Variants in ITFG1 observed in about 807,000 individuals in gnomAD.
The protein encoded by ITFG1 is T-cell immunomodulatory protein.
Under a neutral mutation model 81.8 loss-of-function variants are expected in ITFG1, and 34 were observed. That is an observed-to-expected ratio of 0.42 (90% CI 0.32 to 0.55). The LOEUF (loss-of-function observed/expected upper bound fraction) is 0.55, where lower values mean the gene tolerates loss of function less well. ITFG1 is among the 20% of genes least tolerant of loss of function. The pLI is 0.17. For synonymous variants in ITFG1, 285 were observed against 270.6 expected (o/e 1.05, Z -0.52); for missense variants, 672 against 755.4 (o/e 0.89, Z 1.29).
intron 14 of ITFG1, among the ~76,000 whole-genome samples, chr16:47,186,343 T>C (rs1247853658): frequency 1.3e-5 from 2 of 152,174 alleles, no homozygotes; most frequent in Admixed American, 6.5e-5. Context: ...TTGATGAACA[T>C]TGATGCAAAA....
chr16:47,411,451 T>C (rs1252749235), intron 6 of ITFG1, among the ~76,000 whole-genome samples: 2 of 151,980 alleles, frequency 1.3e-5, no homozygotes, highest in African/African-American at 4.8e-5. Context: ...CCAAAAACTG[T>C]CTTGCTGAGT....
At chr16:47,412,236 T>A (rs1040076155) in intron 6 of ITFG1, among the ~76,000 whole-genome samples, 1 of 151,988 alleles carries the variant, frequency 6.6e-6, no homozygotes, top group Non-Finnish European at 1.5e-5. Context: ...CTGCACTAGA[T>A]CCCCAGCAAC....
intron 6 of ITFG1, among the ~76,000 whole-genome samples, chr16:47,384,475 A>G (rs375352574): frequency 6.6e-6 from 1 of 152,188 alleles, no homozygotes; most frequent in African/African-American, 2.4e-5. Context: ...ATTTTCTGCT[A>G]GAATAACCCT....
intron 5 of ITFG1, among the ~76,000 whole-genome samples, chr16:47,432,386 A>G (rs772387928): frequency 1.3e-5 from 2 of 152,238 alleles, no homozygotes; most frequent in Admixed American, 6.5e-5. Flanking sequence ...GAAATCAGCA[A>G]GACACAATGG....
At chr16:47,360,460 C>T (rs1968095483) in intron 8 of ITFG1, among the ~76,000 whole-genome samples, 1 of 152,040 alleles carries the variant, frequency 6.6e-6, no homozygotes, top group East Asian at 1.9e-4. Flanking sequence ...AAGATACAAA[C>T]AAACAAGAGT....
chr16:47,352,048 AAAAATT>A (rs1353835272), intron 8 of ITFG1, among the ~76,000 whole-genome samples: 1 of 152,246 alleles, frequency 6.6e-6, no homozygotes, highest in Admixed American at 6.5e-5. Flanking sequence ...CACCTTATAC[AAAAATT>A]AATTCAAGAT....
chr16:47,328,665 CTA>C (rs1450542943), intron 8 of ITFG1, among the ~76,000 whole-genome samples: 1 of 151,990 alleles, frequency 6.6e-6, no homozygotes, highest in Non-Finnish European at 1.5e-5. Context: ...TACTTAAGGG[CTA>C]TTAATTCTTT....
At chr16:47,267,267 T>A (rs1966287881) in intron 10 of ITFG1, among the ~76,000 whole-genome samples, 1 of 151,806 alleles carries the variant, frequency 6.6e-6, no homozygotes, top group African/African-American at 2.4e-5. Flanking sequence ...AAAGCTGGAG[T>A]GACAATATTA....
chr16:47,442,859 A>C (rs548396192), intron 5 of ITFG1, among the ~76,000 whole-genome samples: 5 of 152,236 alleles, frequency 3.3e-5, no homozygotes, highest in South Asian at 2.1e-4. Context: ...TGCATATCTA[A>C]AACACCAAAA....
At chr16:47,281,550 CTT>C (rs1966451466) in intron 10 of ITFG1, among the ~76,000 whole-genome samples, 1 of 152,118 alleles carries the variant, frequency 6.6e-6, no homozygotes, top group Non-Finnish European at 1.5e-5. Flanking sequence ...GTTTTAATCT[CTT>C]TAATAGTTAT....
chr16:47,391,355 A>G (rs1047611527), intron 6 of ITFG1, among the ~76,000 whole-genome samples: 4 of 152,218 alleles, frequency 2.6e-5, no homozygotes, highest in Non-Finnish European at 5.9e-5. Flanking sequence ...AGTTCCAAGT[A>G]AACGTATCTC....
intron 6 of ITFG1, among the ~76,000 whole-genome samples, chr16:47,379,446 G>A (rs557490903): frequency 1.3e-5 from 2 of 152,282 alleles, no homozygotes; most frequent in East Asian, 3.9e-4. Flanking sequence ...TCTGCACTTT[G>A]AGAGGCCGAG....
Position 47,229,602 on chromosome 16 carries a change from C to CA in ITFG1, c.1374+8362dup, listed in dbSNP as rs112579446. Among the ~76,000 whole-genome samples the CA allele has an allele frequency of 8.7e-3, 865 of 99,172 alleles. 10 individuals are homozygous for CA. Among genetic ancestry groups the CA allele is most frequent in the African/African-American group, 0.025 (647 of 26,372 alleles). The allele number at this position is 99,172 out of a possible 152,430, so 65.1% of individuals were successfully genotyped here. The stretch of plus-strand genomic sequence containing the variant: ...AGCTTAGATAACTGCTGCAGTCAGG[C>CA]AAAAAAAAAAAAAAGTCCTGAAATA... On this transcript the variant is annotated intron_variant, in intron 13 of 17. Coordinates refer to ENST00000320640, the MANE Select transcript of ITFG1 (RefSeq NM_030790.5).
At chr16:47,441,538 T>C (rs1969250456) in intron 5 of ITFG1, among the ~76,000 whole-genome samples, 1 of 152,104 alleles carries the variant, frequency 6.6e-6, no homozygotes. Context: ...CGAAAATAAA[T>C]ACACGCAATC....
intron 8 of ITFG1, among the ~76,000 whole-genome samples, chr16:47,335,497 T>C (rs1475369579): frequency 6.6e-6 from 1 of 152,174 alleles, no homozygotes; most frequent in African/African-American, 2.4e-5. Flanking sequence ...AAGGATTTGT[T>C]TGAAGAATAT....
At chr16:47,446,231 G>C (rs1969323161) in intron 5 of ITFG1, among the ~76,000 whole-genome samples, 1 of 152,132 alleles carries the variant, frequency 6.6e-6, no homozygotes, top group Non-Finnish European at 1.5e-5. Context: ...TGCCTCCCCA[G>C]CAAGATACAC....
chr16:47,395,586 T>C (rs1968583512), intron 6 of ITFG1, among the ~76,000 whole-genome samples: 1 of 152,186 alleles, frequency 6.6e-6, no homozygotes, highest in African/African-American at 2.4e-5. Flanking sequence ...TTGAAAGCAA[T>C]CCCCTTAGGT....
intron 8 of ITFG1, among the ~76,000 whole-genome samples, chr16:47,357,745 C>T (rs1249797506): frequency 6.6e-6 from 1 of 151,772 alleles, no homozygotes; most frequent in Non-Finnish European, 1.5e-5. Context: ...CAAACCTGTA[C>T]AAAATGGCTC....
At chr16:47,181,290 C>T (rs537401663) in intron 14 of ITFG1, among the ~76,000 whole-genome samples, 1 of 148,842 alleles carries the variant, frequency 6.7e-6, no homozygotes, top group Admixed American at 6.6e-5. Flanking sequence ...AAGTGAGGAG[C>T]GTCTCTGTCT....
Sources: gnomAD v4.1 joint callset for allele counts (sites outside exome capture counted in the v4.1 genomes callset) on GRCh38, gnomAD v4.1.1 for gene constraint, MANE v1.5 for transcripts, NCBI Gene and HGNC (gene_info 2026-07-23, HGNC 2026-07-21) for gene names.